ZMIZ1: variants seen among roughly 807,000 people sequenced by gnomAD.
ZMIZ1 encodes zinc finger MIZ domain-containing protein 1.
Under a neutral mutation model 113.9 loss-of-function variants are expected in ZMIZ1, and 17 were observed. The ratio of observed to expected loss-of-function variants is 0.15; its 90% CI spans 0.10 to 0.22. The LOEUF (loss-of-function observed/expected upper bound fraction) is 0.22, where lower values mean the gene tolerates loss of function less well. Ranked by LOEUF, ZMIZ1 falls within the 10% of genes least tolerant of loss-of-function variation. ZMIZ1 has a pLI of 1.00. For missense variants in ZMIZ1, 1,059 were observed against 1,477.8 expected (o/e 0.72, Z 4.65); for synonymous variants, 607 against 603.1 (o/e 1.01, Z -0.09).
At chr10:79,293,700 G>A in intron 12 of ZMIZ1, 47 bp downstream of exon 12, 2 of 1,612,694 alleles carry the variant, frequency 1.2e-6, no homozygotes, top group South Asian at 1.1e-5. Context: ...GGGACACCTG[G>A]GCTTGAAGAC....
intron 4 of ZMIZ1, among the ~76,000 whole-genome samples, chr10:79,198,950 C>T (rs781061103): frequency 2.6e-5 from 4 of 151,798 alleles, no homozygotes; most frequent in Non-Finnish European, 5.9e-5. Flanking sequence ...AGGAGAATCA[C>T]TTGAACCTGG....
intron 6 of ZMIZ1, among the ~76,000 whole-genome samples, chr10:79,211,874 G>GC (rs1848541035): frequency 6.6e-6 from 1 of 152,246 alleles, no homozygotes; most frequent in East Asian, 1.9e-4. Context: ...CAGTGGGAGA[G>GC]CAGGTCCAGG....
intron 7 of ZMIZ1, among the ~76,000 whole-genome samples, chr10:79,231,404 T>C (rs961966772): frequency 4.0e-5 from 6 of 151,558 alleles, no homozygotes; most frequent in Admixed American, 3.9e-4. Context: ...ACCACCACCA[T>C]GGCTAATGTT....
intron 23 of ZMIZ1, 119 bp from the exon 24 acceptor site, chr10:79,310,805 G>C (rs1337219455): frequency 2.6e-6 from 3 of 1,146,726 alleles, no homozygotes; most frequent in South Asian, 1.5e-5. Context: ...CTCGTACCGG[G>C]TGGCCACGTT....
intron 7 of ZMIZ1, among the ~76,000 whole-genome samples, chr10:79,272,241 G>A (rs1233260858): frequency 1.3e-5 from 2 of 151,844 alleles, no homozygotes; most frequent in East Asian, 1.9e-4. Context: ...AGCCAAGATC[G>A]CACCACTGCA....
chr10:79,232,630 A>G lies in ZMIZ1; in HGVS notation c.280+16356A>G, dbSNP rs1204963852. 5.9e-5 allele frequency among the ~76,000 whole-genome samples: 9 copies of G among 152,082 alleles called. No homozygotes were observed. In the East Asian group the frequency reaches 1.3e-3, roughly 23 times the overall value. On this transcript the variant is annotated intron_variant, in intron 7 of 24. Transcript: ENST00000334512. ...GGGCGAGGCTGGCATTACTCCTGCT[A>G]TTATTGCCACCATACCTTTATGTGA...
intron 5 of ZMIZ1, among the ~76,000 whole-genome samples, chr10:79,202,453 GA>G (rs200110099): frequency 5.4e-5 from 8 of 148,926 alleles, no homozygotes; most frequent in Non-Finnish European, 1.2e-4. Flanking sequence ...TTTAAAAAAA[GA>G]AAAAAAAAGC....
chr10:79,248,135 G>A (rs967297966), intron 7 of ZMIZ1, among the ~76,000 whole-genome samples: 1 of 152,142 alleles, frequency 6.6e-6, no homozygotes, highest in Non-Finnish European at 1.5e-5. Context: ...AGCACGGCAA[G>A]AGAGAATTAG....
chr10:79,299,132 G>A lies in ZMIZ1; in HGVS notation c.1749G>A (p.Leu583=). 6.2e-7 allele frequency: 1 copy of A among 1,611,856 alleles called. No individual in the cohort carries two copies. The highest frequency in any genetic ancestry group is 8.5e-7 in the Non-Finnish European group (1 of 1,179,882). Reference sequence around the variant, plus strand: ...AGCCCTTCCGCCTGGAGCACAACCTGGCGGTCAGCAACCATGTGTTCCACC... The same window carrying A: ...AGCCCTTCCGCCTGGAGCACAACCTAGCGGTCAGCAACCATGTGTTCCACC... ...VLEPFRLEHN[L]AVSNHVFHLR... is the part of the protein sequence containing the mutation. Residue 583 remains leucine, a synonymous_variant, in exon 16 of 25, where the codon CTG becomes CTA. Transcript: ENST00000334512.
intron 2 of ZMIZ1, among the ~76,000 whole-genome samples, chr10:79,138,632 T>G (rs1374026328): frequency 1.3e-5 from 2 of 152,202 alleles, no homozygotes; most frequent in Non-Finnish European, 2.9e-5. Flanking sequence ...CAATGACCAG[T>G]TCTTGGGCCC....
At chr10:79,302,987 G>A (rs1335932610) in intron 18 of ZMIZ1, among the ~76,000 whole-genome samples, 1 of 150,454 alleles carries the variant, frequency 6.6e-6, no homozygotes, top group East Asian at 2.0e-4. Context: ...TCAGCCTCCC[G>A]AGTAGCTGGG....
chr10:79,262,173 G>A lies in ZMIZ1; in HGVS notation c.281-15008G>A, dbSNP rs148543873. ...GTAACAGAGCACCTGCATCTTGCAG[G>A]CACTGAGCTCATCCCTTGGTCTCGA... On this transcript the variant is annotated intron_variant, in intron 7 of 24. Transcript: ENST00000334512. 3.8e-4 allele frequency among the ~76,000 whole-genome samples: 58 copies of A among 152,346 alleles called. 1 individual carries two copies. Among genetic ancestry groups the A allele is most frequent in the African/African-American group, 1.3e-3 (55 of 41,578 alleles).
At chr10:79,103,770 TG>T (rs770186461) in intron 1 of ZMIZ1, among the ~76,000 whole-genome samples, 2 of 152,144 alleles carry the variant, frequency 1.3e-5, no homozygotes. Flanking sequence ...AGTGCTTCCC[TG>T]GGGGCCTGGC....
At chr10:79,082,526 G>A (rs1842691633) in intron 1 of ZMIZ1, among the ~76,000 whole-genome samples, 1 of 152,208 alleles carries the variant, frequency 6.6e-6, no homozygotes, top group African/African-American at 2.4e-5. Context: ...TGGGCAGCCA[G>A]TCTACTTAAT....
intron 8 of ZMIZ1, among the ~76,000 whole-genome samples, chr10:79,284,361 A>G (rs1023185434): frequency 6.6e-6 from 1 of 152,046 alleles, no homozygotes; most frequent in Admixed American, 6.5e-5. Context: ...GCTTTGAAGT[A>G]TGGATAGAAG....
intron 1 of ZMIZ1, among the ~76,000 whole-genome samples, chr10:79,114,492 T>TGC: frequency 1.5e-5 from 1 of 68,120 alleles, no homozygotes; most frequent in African/African-American, 4.6e-5. Context: ...TGTGTGTGTG[T>TGC]GCGTGTGTGT....
chr10:79,300,691 C>A, intron 16 of ZMIZ1, 41 bp from the exon 17 acceptor site: 2 of 1,591,148 alleles, frequency 1.3e-6, no homozygotes, highest in Non-Finnish European at 1.7e-6. Flanking sequence ...ATGGACAGCC[C>A]CCTGGCAGAG....
intron 7 of ZMIZ1, among the ~76,000 whole-genome samples, chr10:79,262,634 C>T (rs1851337373): frequency 6.6e-6 from 1 of 152,260 alleles, no homozygotes; most frequent in South Asian, 2.1e-4. Flanking sequence ...CTCTCATTTC[C>T]TCCCTCCCCT....
chr10:79,158,604 G>T (rs922103640), intron 3 of ZMIZ1, among the ~76,000 whole-genome samples: 2 of 152,214 alleles, frequency 1.3e-5, no homozygotes, highest in African/African-American at 4.8e-5. Context: ...TAAATTTCGG[G>T]CACCACTGCC....
Sources: allele counts gnomAD v4.1 joint callset (sites outside exome capture counted in the v4.1 genomes callset), GRCh38; gene constraint gnomAD v4.1.1; transcripts MANE v1.5; gene names NCBI Gene and HGNC (gene_info 2026-07-23, HGNC 2026-07-21).